Variants in GRM1 observed in about 807,000 individuals in gnomAD.
GRM1 encodes metabotropic glutamate receptor 1.
GRM1 carries 33 observed loss-of-function variants against 90.9 expected under a neutral mutation model. That is an observed-to-expected ratio of 0.36 (90% CI 0.28 to 0.49). The LOEUF (loss-of-function observed/expected upper bound fraction) is 0.49, where lower values mean the gene tolerates loss of function less well. Ranked by LOEUF, GRM1 falls within the 20% of genes least tolerant of loss-of-function variation. The pLI, the probability that GRM1 is intolerant of heterozygous loss-of-function variation, is 0.99. For missense variants in GRM1, 1,190 were observed against 1,534.3 expected (o/e 0.78, Z 3.75); for synonymous variants, 700 against 613.2 (o/e 1.14, Z -2.09).
chr6:146,176,720 A>C (rs1778352178), intron 2 of GRM1, among the ~76,000 whole-genome samples: 1 of 152,134 alleles, frequency 6.6e-6, no homozygotes, highest in Non-Finnish European at 1.5e-5. Context: ...CAAAATAATT[A>C]GTTGATTCAA....
intron 1 of GRM1, among the ~76,000 whole-genome samples, chr6:146,107,046 T>C (rs550617633): frequency 6.6e-6 from 1 of 152,320 alleles, no homozygotes; most frequent in South Asian, 2.1e-4. Flanking sequence ...CAGTGGCCCT[T>C]TACTGTGCCT....
intron 7 of GRM1, among the ~76,000 whole-genome samples, chr6:146,420,325 A>C (rs1777947315): frequency 6.6e-6 from 1 of 152,268 alleles, no homozygotes; most frequent in Admixed American, 6.5e-5. Flanking sequence ...CAAAAATCTA[A>C]ATAGAAAAAT....
At chr6:146,378,161 C>A (rs550095874) in intron 5 of GRM1, among the ~76,000 whole-genome samples, 1 of 152,174 alleles carries the variant, frequency 6.6e-6, no homozygotes, top group South Asian at 2.1e-4. Flanking sequence ...GGGGTGGAAC[C>A]CTCATGGAGA....
intron 6 of GRM1, among the ~76,000 whole-genome samples, chr6:146,387,757 T>C (rs1389113874): frequency 1.3e-5 from 2 of 152,036 alleles, no homozygotes; most frequent in African/African-American, 4.8e-5. Context: ...AGGACACTGA[T>C]GGGATGGCAG....
At chr6:146,090,383 C>T (rs1234590890) in intron 1 of GRM1, among the ~76,000 whole-genome samples, 1 of 152,098 alleles carries the variant, frequency 6.6e-6, no homozygotes, top group Middle Eastern at 3.2e-3. Context: ...ATGAGACATA[C>T]TTTAGTAGGA....
chr6:146,332,550 A>C (rs1189660845), intron 3 of GRM1, among the ~76,000 whole-genome samples: 1 of 152,168 alleles, frequency 6.6e-6, no homozygotes, highest in Non-Finnish European at 1.5e-5. Context: ...CTGTTTCTCT[A>C]ATCCCAGGCA....
intron 2 of GRM1, among the ~76,000 whole-genome samples, chr6:146,272,437 G>A (rs1369740634): frequency 6.6e-6 from 1 of 152,160 alleles, no homozygotes; most frequent in Non-Finnish European, 1.5e-5. Flanking sequence ...TTTAGACTAC[G>A]AGAATGAGTT....
intron 1 of GRM1, among the ~76,000 whole-genome samples, chr6:146,037,586 G>C (rs145984202): frequency 2.6e-5 from 4 of 151,962 alleles, no homozygotes; most frequent in Non-Finnish European, 5.9e-5. Flanking sequence ...TCATTTAGCA[G>C]CTTCTAGGAG....
intron 2 of GRM1, among the ~76,000 whole-genome samples, chr6:146,182,948 T>C (rs144559501): frequency 1.8e-3 from 273 of 152,276 alleles, no homozygotes; most frequent in African/African-American, 5.9e-3. Context: ...GAATTTGTTC[T>C]TAATTCATAG....
intron 2 of GRM1, among the ~76,000 whole-genome samples, chr6:146,268,040 A>T (rs890495479): frequency 3.9e-5 from 6 of 152,086 alleles, no homozygotes; most frequent in Non-Finnish European, 5.9e-5. Flanking sequence ...TCATAACAAG[A>T]CTTTTGAAGC....
At chr6:146,152,630 A>G (rs978043176) in intron 1 of GRM1, among the ~76,000 whole-genome samples, 3 of 152,030 alleles carry the variant, frequency 2.0e-5, no homozygotes, top group African/African-American at 7.2e-5. Flanking sequence ...TATAACTTCT[A>G]TATGGAGTTA....
At chr6:146,154,315 G>A (rs1310901259) in intron 1 of GRM1, among the ~76,000 whole-genome samples, 5 of 152,176 alleles carry the variant, frequency 3.3e-5, no homozygotes, top group Admixed American at 6.5e-5. Context: ...GCAGATTCCT[G>A]AACCTGCATG....
chr6:146,307,186 A>G (rs1458504814), intron 3 of GRM1, among the ~76,000 whole-genome samples: 1 of 152,216 alleles, frequency 6.6e-6, no homozygotes, highest in East Asian at 1.9e-4. Flanking sequence ...AGAAATAACA[A>G]TTTACAAATC....
At chr6:146,337,586 C>T (rs1034589185) in intron 3 of GRM1, among the ~76,000 whole-genome samples, 1 of 152,146 alleles carries the variant, frequency 6.6e-6, no homozygotes, top group African/African-American at 2.4e-5. Flanking sequence ...TCATGAAATT[C>T]AGGGTCTGTG....
chr6:146,431,381 A>AT (rs1240777120), intron 7 of GRM1, among the ~76,000 whole-genome samples: 1 of 152,176 alleles, frequency 6.6e-6, no homozygotes, highest in African/African-American at 2.4e-5. Flanking sequence ...GGTGCTTTTG[A>AT]TTTAAAAAGA....
At chr6:146,145,443 A>C (rs2128885634) in intron 1 of GRM1, among the ~76,000 whole-genome samples, 1 of 152,322 alleles carries the variant, frequency 6.6e-6, no homozygotes, top group East Asian at 1.9e-4. Context: ...GCCCAGGGCC[A>C]CTTCAGAACT....
At chr6:146,433,063 G>T (rs1012623038) in intron 7 of GRM1, among the ~76,000 whole-genome samples, 11 of 152,192 alleles carry the variant, frequency 7.2e-5, no homozygotes, top group South Asian at 4.1e-4. Context: ...AAAGCAGGAT[G>T]TGGGCATTTG....
At chr6:146,260,929 C>G (rs1024574699) in intron 2 of GRM1, among the ~76,000 whole-genome samples, 6 of 143,424 alleles carry the variant, frequency 4.2e-5, no homozygotes, top group African/African-American at 1.6e-4. Context: ...TCTTGCTCAC[C>G]TCTATATTTT....
rs1554260533 is a variant in GRM1 at position 146,043,796 on chromosome 6, T to TCTATATATATATATATAG, written c.700+13579_700+13580insCTATATATATATATATAG. 1.4e-5 allele frequency among the ~76,000 whole-genome samples: 2 copies of TCTATATATATATATATAG among 137,940 alleles called. 1 individual carries two copies. The highest frequency in any genetic ancestry group is 3.2e-5 in the Non-Finnish European group (2 of 63,458). 90.5% of individuals were successfully genotyped at this position (137,940 alleles called of 152,430 possible). ...AAGAGTCAGGTGATATATATATATA[T>TCTATATATATATATATAG]ATATATATATATATAAAGGGAAGTG... On this transcript the variant is annotated intron_variant, in intron 1 of 7. Transcript: ENST00000282753.
Sources: gnomAD v4.1 joint callset for allele counts (sites outside exome capture counted in the v4.1 genomes callset) on GRCh38, gnomAD v4.1.1 for gene constraint, MANE v1.5 for transcripts, NCBI Gene and HGNC (gene_info 2026-07-23, HGNC 2026-07-21) for gene names.